The following RUVBL2 variants were observed in gnomAD, a reference collection of about 807,000 sequenced individuals.
The protein encoded by RUVBL2 is RuvB like AAA ATPase 2, also known as ruvB-like 2.
A neutral mutation model predicts 57.9 loss-of-function variants in RUVBL2; 9 were observed. That is an observed-to-expected ratio of 0.16 (90% CI 0.09 to 0.27). RUVBL2 has a LOEUF of 0.27. Ranked by LOEUF, RUVBL2 falls within the 10% of genes least tolerant of loss-of-function variation. The pLI is 1.00. For missense variants in RUVBL2, 456 were observed against 669.6 expected, an observed-to-expected ratio of 0.68 and a Z score of 3.52; for synonymous variants, 278 against 264.6, an observed-to-expected ratio of 1.05 and a Z score of -0.49.
At chr19:49,010,452 T>C in intron 8 of RUVBL2, 36 bp from the exon 9 acceptor site, 1 of 1,604,746 alleles carries the variant, frequency 6.2e-7, no homozygotes, top group South Asian at 1.1e-5. Context: ...TTCCCTGCCC[T>C]GTCTCCGCCG....
At chr19:48,993,502 C>A (rs1478017991), upstream of RUVBL2, 6 of 427,290 alleles carry the variant, frequency 1.4e-5, no homozygotes, top group African/African-American at 4.0e-5. Flanking sequence ...CTTGCCGCTG[C>A]GCTTTACGGA....
At position 49,007,084 on chromosome 19, in the gene RUVBL2, T is replaced by C; in HGVS notation, c.332T>C (p.Leu111Pro). 1 of 1,613,250 alleles carries C rather than the reference T, an allele frequency of 6.2e-7. No individual in the cohort carries two copies. The highest frequency in any genetic ancestry group is 8.5e-7 in the Non-Finnish European group (1 of 1,180,036). The change falls in exon 5 of 15, where the codon CTG (leucine) becomes CCG (proline). Residue 111 changes from leucine (L) to proline (P), a missense_variant. By Grantham distance (98) the Leu-to-Pro change is moderately conservative. Transcript: ENST00000595090. ...ATCGCCGGCAGTGAAATCTTCTCCC[T>C]GGAGATGAGCAAGACCGAGGCGCTG... The part of the protein sequence containing the change: ...TAIAGSEIFS[L>P]EMSKTEALTQ...
At chr19:48,998,717 GAAA>G (rs1048739224) in intron 1 of RUVBL2, among the ~76,000 whole-genome samples, 16 of 116,800 alleles carry the variant, frequency 1.4e-4, no homozygotes, top group African/African-American at 5.0e-4. Context: ...CAAAAAATAA[GAAA>G]AAAAAAAAAG....
At position 49,010,468 on chromosome 19, in the gene RUVBL2, C is replaced by CGG; in HGVS notation, c.664-20_664-19insGG. The CGG allele has an allele frequency of 8.7e-6, 7 of 807,050 alleles. No individual in the cohort carries two copies. The highest frequency in any genetic ancestry group is 1.4e-5 in the Non-Finnish European group (7 of 508,772). 50.0% of individuals were successfully genotyped at this position (807,050 alleles called of 1,614,324 possible). A position where few individuals can be genotyped will look rare whatever the true frequency, so the allele number is the denominator to read the frequency against. On this transcript the variant is annotated intron_variant, in intron 8 of 14. Transcript: ENST00000595090. ...TCCCTGCCCTGTCTCCGCCGTTCTT[C>CGG]CCCCACCCCCGCCCCATAGACCAAG...
intron 1 of RUVBL2, among the ~76,000 whole-genome samples, chr19:48,997,413 C>T (rs2039083140): frequency 6.6e-6 from 1 of 152,098 alleles, no homozygotes; most frequent in Non-Finnish European, 1.5e-5. Flanking sequence ...CACCTGAGGT[C>T]AGGAGTTCAA....
chr19:48,998,664 G>A (rs1378192142), intron 1 of RUVBL2, among the ~76,000 whole-genome samples: 6 of 150,596 alleles, frequency 4.0e-5, no homozygotes, highest in East Asian at 3.9e-4. Flanking sequence ...AGCTGAGATC[G>A]GGCCACTGCA....
intron 1 of RUVBL2, among the ~76,000 whole-genome samples, 186 bp from the exon 2 acceptor site, chr19:48,999,133 C>T (rs1284204559): frequency 6.6e-6 from 1 of 152,146 alleles, no homozygotes; most frequent in Non-Finnish European, 1.5e-5. Context: ...TCCTTGTCTT[C>T]CTGGGGCTCA....
intron 12 of RUVBL2, among the ~76,000 whole-genome samples, 191 bp downstream of exon 12, chr19:49,014,794 C>T (rs1281472376): frequency 1.3e-5 from 2 of 152,174 alleles, no homozygotes; most frequent in African/African-American, 2.4e-5. Context: ...GCGAGGTACC[C>T]GTGACTGGTG....
intron 4 of RUVBL2, 94 bp from the exon 5 acceptor site, chr19:49,006,924 T>G: frequency 2.0e-6 from 3 of 1,530,354 alleles, no homozygotes; most frequent in Admixed American, 3.5e-5. Context: ...GAACCCTCTT[T>G]CCTGGGGTGG....
chr19:49,002,039 T>G (rs1360152992), intron 2 of RUVBL2, among the ~76,000 whole-genome samples: 1 of 151,342 alleles, frequency 6.6e-6, no homozygotes, highest in African/African-American at 2.4e-5. Flanking sequence ...CAAAGATTTT[T>G]TGGTTGGTTT....
At chr19:49,010,950 G>A (rs749287489) in intron 9 of RUVBL2, 49 bp from the exon 10 acceptor site, 3 of 1,531,462 alleles carry the variant, frequency 2.0e-6, no homozygotes, top group Admixed American at 1.9e-5. Flanking sequence ...TCTGGCCCTG[G>A]AACCCGCCTC....
chr19:48,993,642 A>T (rs2038990140), upstream of RUVBL2: 3 of 580,422 alleles, frequency 5.2e-6, no homozygotes, highest in East Asian at 2.9e-5. Flanking sequence ...AGAATTTTGC[A>T]ATCGGCCTGA....
intron 1 of RUVBL2, among the ~76,000 whole-genome samples, chr19:48,997,785 G>A (rs893571665): frequency 2.6e-5 from 4 of 152,098 alleles, no homozygotes; most frequent in East Asian, 1.9e-4. Context: ...TAGTGCTGCC[G>A]TGAACACTCG....
At chr19:48,997,640 A>AG (rs1295788366) in intron 1 of RUVBL2, among the ~76,000 whole-genome samples, 3 of 151,832 alleles carry the variant, frequency 2.0e-5, no homozygotes, top group Non-Finnish European at 2.9e-5. Flanking sequence ...AAAAAAAAAA[A>AG]AAAAGAAAAG....
intron 2 of RUVBL2, chr19:49,001,696 T>A (rs2039186448): frequency 6.6e-6 from 1 of 151,528 alleles, no homozygotes; most frequent in South Asian, 2.1e-4. Flanking sequence ...CACTGCAAGC[T>A]CCACCTCCCG....
intron 4 of RUVBL2, among the ~76,000 whole-genome samples, chr19:49,004,682 T>TCTTGGA (rs1216975789): frequency 2.0e-5 from 3 of 152,146 alleles, no homozygotes; most frequent in African/African-American, 7.2e-5. Context: ...CCAAGAGGGC[T>TCTTGGA]GCCAGAGCTC....
intron 5 of RUVBL2, 49 bp downstream of exon 5, chr19:49,007,196 AC>A: frequency 6.2e-7 from 1 of 1,609,738 alleles, no homozygotes; most frequent in Non-Finnish European, 8.5e-7. Flanking sequence ...CCTGGGAGCA[AC>A]CCCGCACCCC....
At chr19:49,008,805 C>T (rs2039337935) in intron 6 of RUVBL2, among the ~76,000 whole-genome samples, 1 of 151,812 alleles carries the variant, frequency 6.6e-6, no homozygotes, top group African/African-American at 2.4e-5. Flanking sequence ...TGGTGAAACC[C>T]TGTCTCTACT....
At chr19:48,993,789 AT>A (rs1430158214), upstream of RUVBL2, 8 of 1,325,838 alleles carry the variant, frequency 6.0e-6, no homozygotes, top group Non-Finnish European at 6.5e-6. Flanking sequence ...CGCCCCCACA[AT>A]ATTTACATAT....
Sources: allele counts gnomAD v4.1 joint callset (sites outside exome capture counted in the v4.1 genomes callset), GRCh38; gene constraint gnomAD v4.1.1; transcripts MANE v1.5; gene names NCBI Gene and HGNC (gene_info 2026-07-23, HGNC 2026-07-21).